The following CSMD1 variants were observed in gnomAD, a reference collection of about 807,000 sequenced individuals.
The protein encoded by CSMD1 is CUB and Sushi multiple domains 1.
A neutral mutation model predicts 417.5 loss-of-function variants in CSMD1; 213 were observed. That is an observed-to-expected ratio of 0.51 (90% CI 0.46 to 0.57). The LOEUF (loss-of-function observed/expected upper bound fraction) is 0.57, where lower values mean the gene tolerates loss of function less well. Ranked by LOEUF, CSMD1 falls within the 20% of genes least tolerant of loss-of-function variation. The pLI, the probability that CSMD1 is intolerant of heterozygous loss-of-function variation, is 0.00. For synonymous variants in CSMD1, 2,862 were observed against 1,736.8 expected (o/e 1.65, Z -16.11); for missense variants, 6,923 against 4,529.7 (o/e 1.53, Z -15.17).
At chr8:4,032,379 C>G (rs1452978937) in intron 3 of CSMD1, among the ~76,000 whole-genome samples, 1 of 152,122 alleles carries the variant, frequency 6.6e-6, no homozygotes, top group Non-Finnish European at 1.5e-5. Flanking sequence ...CAGATAATGT[C>G]TGGATTATAT....
At chr8:4,465,850 A>G (rs964398163) in intron 2 of CSMD1, among the ~76,000 whole-genome samples, 2 of 152,274 alleles carry the variant, frequency 1.3e-5, no homozygotes, top group Admixed American at 6.5e-5. Context: ...CACACATTCT[A>G]TCCTCTTCAC....
At chr8:2,947,103 G>T (rs1046867107) in intron 68 of CSMD1, among the ~76,000 whole-genome samples, 4 of 151,960 alleles carry the variant, frequency 2.6e-5, no homozygotes, top group African/African-American at 9.7e-5. Flanking sequence ...AGAGTTCTTC[G>T]TACATTCTGG....
At chr8:4,244,568 C>T (rs541281202) in intron 3 of CSMD1, among the ~76,000 whole-genome samples, 3 of 151,792 alleles carry the variant, frequency 2.0e-5, no homozygotes, top group East Asian at 1.9e-4. Flanking sequence ...TGGGAAAATA[C>T]TGCGTAAATA....
chr8:3,749,310 T>C (rs779648594), intron 6 of CSMD1, among the ~76,000 whole-genome samples: 2 of 152,204 alleles, frequency 1.3e-5, no homozygotes, highest in East Asian at 3.9e-4. Context: ...TGCAAATATA[T>C]TGTGGGTTTT....
intron 3 of CSMD1, among the ~76,000 whole-genome samples, chr8:4,364,031 A>G (rs1012122065): frequency 6.6e-6 from 1 of 152,178 alleles, no homozygotes; most frequent in Non-Finnish European, 1.5e-5. Flanking sequence ...TACTTATTTC[A>G]ATAACTAAGA....
intron 26 of CSMD1, among the ~76,000 whole-genome samples, chr8:3,249,968 A>C (rs1012684898): frequency 6.6e-6 from 1 of 152,264 alleles, no homozygotes; most frequent in Non-Finnish European, 1.5e-5. Flanking sequence ...TGTCAGGTTA[A>C]AAACTAGTGA....
chr8:4,737,820 C>T (rs543330992), intron 1 of CSMD1, among the ~76,000 whole-genome samples: 1 of 152,232 alleles, frequency 6.6e-6, no homozygotes, highest in South Asian at 2.1e-4. Context: ...AAGTAATGGG[C>T]AGCATATGGT....
chr8:2,978,804 G>T lies in CSMD1; in HGVS notation c.8378-4C>A, dbSNP rs755154223. Reference sequence around the variant, plus strand: ...CCTGGATCAGAACAGTTCACCACTAGAAAATAAAACATTTCACACACCATT... The same window carrying T: ...CCTGGATCAGAACAGTTCACCACTATAAAATAAAACATTTCACACACCATT... On this transcript the variant is annotated splice_polypyrimidine_tract_variant and splice_region_variant and intron_variant, in intron 54 of 69. Transcript: ENST00000635120. 1 of 1,591,564 alleles carries T rather than the reference G, an allele frequency of 6.3e-7. No individual in the cohort carries two copies. Among genetic ancestry groups the T allele is most frequent in the Admixed American group, 1.8e-5 (1 of 56,116 alleles).
At chr8:4,293,058 G>A (rs918818502) in intron 3 of CSMD1, among the ~76,000 whole-genome samples, 3 of 152,192 alleles carry the variant, frequency 2.0e-5, no homozygotes, top group Non-Finnish European at 4.4e-5. Flanking sequence ...TTCCACCAGA[G>A]CTGCGTCTGG....
At chr8:3,884,253 T>A (rs1806403565) in intron 5 of CSMD1, among the ~76,000 whole-genome samples, 1 of 152,190 alleles carries the variant, frequency 6.6e-6, no homozygotes, top group South Asian at 2.1e-4. Flanking sequence ...TAATGGCAAG[T>A]CTAACCTGTC....
chr8:3,909,399 A>T (rs947804851), intron 5 of CSMD1, among the ~76,000 whole-genome samples: 1 of 152,142 alleles, frequency 6.6e-6, no homozygotes, highest in African/African-American at 2.4e-5. Context: ...TCTACAGGAA[A>T]AATGAGCTCA....
intron 2 of CSMD1, among the ~76,000 whole-genome samples, chr8:4,500,416 G>A (rs181775810): frequency 3.3e-5 from 5 of 152,258 alleles, no homozygotes; most frequent in Non-Finnish European, 7.4e-5. Context: ...AACTATTACT[G>A]TAGACAAAAA....
intron 7 of CSMD1, among the ~76,000 whole-genome samples, chr8:3,671,159 T>C (rs544685953): frequency 2.0e-5 from 3 of 147,918 alleles, no homozygotes; most frequent in Admixed American, 6.8e-5. Flanking sequence ...GGGATATATA[T>C]GTATATGAGA....
rs571390251 is a variant in CSMD1, at chr8:4,035,791, A to T, written c.416-3692T>A. ...GTTATACTAAGCTTAATTTATGATT[A>T]AAAAAGAAAAATGTGTTTTTATACA... On this transcript the variant is annotated intron_variant, in intron 3 of 69. Transcript: ENST00000635120. Among the ~76,000 whole-genome samples, 24 of 152,306 alleles carry T rather than the reference A, an allele frequency of 1.6e-4. No homozygotes were observed. The South Asian group carries it at 4.4e-3, about 28-fold the overall frequency.
At chr8:3,789,893 G>A (rs1462474412) in intron 5 of CSMD1, among the ~76,000 whole-genome samples, 1 of 151,872 alleles carries the variant, frequency 6.6e-6, no homozygotes, top group East Asian at 1.9e-4. Context: ...CACCACGCCT[G>A]GCTAATTTTT....
At chr8:4,829,622 C>G (rs1800028094) in intron 1 of CSMD1, among the ~76,000 whole-genome samples, 1 of 151,788 alleles carries the variant, frequency 6.6e-6, no homozygotes, top group African/African-American at 2.4e-5. Context: ...TGCCTGTGGT[C>G]CCAAGTACTC....
chr8:4,022,299 G>A (rs1393486900), intron 4 of CSMD1, among the ~76,000 whole-genome samples: 1 of 151,732 alleles, frequency 6.6e-6, no homozygotes, highest in Non-Finnish European at 1.5e-5. Context: ...TTCAGACAAG[G>A]AAGAGAAGTA....
intron 6 of CSMD1, among the ~76,000 whole-genome samples, chr8:3,735,323 A>AC (rs1563324059): frequency 3.1e-4 from 10 of 31,844 alleles, no homozygotes; most frequent in Admixed American, 5.3e-4. Context: ...AAAACACACA[A>AC]ACACACACAC....
At chr8:4,949,361 T>A (rs1808581905) in intron 1 of CSMD1, among the ~76,000 whole-genome samples, 1 of 152,184 alleles carries the variant, frequency 6.6e-6, no homozygotes, top group Admixed American at 6.6e-5. Flanking sequence ...TATTTGTAAA[T>A]GTTTGTGTAA....
Sources: allele counts gnomAD v4.1 joint callset (sites outside exome capture counted in the v4.1 genomes callset), GRCh38; gene constraint gnomAD v4.1.1; transcripts MANE v1.5; gene names NCBI Gene and HGNC (gene_info 2026-07-23, HGNC 2026-07-21).